WWC1: variants seen among roughly 807,000 people sequenced by gnomAD.
WWC1 encodes the protein protein KIBRA.
Under a neutral mutation model 138.4 loss-of-function variants are expected in WWC1, and 55 were observed. The observed-to-expected ratio is 0.40, with a 90% CI of 0.32 to 0.50. WWC1 has a LOEUF of 0.50. WWC1 is among the 20% of genes least tolerant of loss of function. The pLI, the probability that WWC1 is intolerant of heterozygous loss-of-function variation, is 0.72. For missense variants in WWC1, 1,226 were observed against 1,420.4 expected (o/e 0.86, Z 2.20); for synonymous variants, 524 against 564.9 (o/e 0.93, Z 1.03).
chr5:168,448,738 C>T (rs1436884538), intron 17 of WWC1, among the ~76,000 whole-genome samples: 1 of 151,446 alleles, frequency 6.6e-6, no homozygotes, highest in Non-Finnish European at 1.5e-5. Flanking sequence ...CATGCCTCAT[C>T]CTCCTGGGTA....
At chr5:168,403,024 TTC>T (rs1290010584) in intron 5 of WWC1, among the ~76,000 whole-genome samples, 1 of 118,548 alleles carries the variant, frequency 8.4e-6, no homozygotes, top group Admixed American at 8.2e-5. Flanking sequence ...CTTTCTTTCT[TTC>T]TTTCTTTCTT....
chr5:168,305,791 C>T (rs932915447), intron 1 of WWC1, among the ~76,000 whole-genome samples: 3 of 152,106 alleles, frequency 2.0e-5, no homozygotes, highest in African/African-American at 7.2e-5. Flanking sequence ...ACTAAAAATA[C>T]CCATGCCTGG....
intron 21 of WWC1, among the ~76,000 whole-genome samples, chr5:168,465,818 A>T (rs1193565997): frequency 6.6e-6 from 1 of 152,058 alleles, no homozygotes; most frequent in African/African-American, 2.4e-5. Context: ...TCGGCCTCCC[A>T]AAGTGTTGCG....
At chr5:168,419,645 G>A (rs1780928534) in intron 9 of WWC1, among the ~76,000 whole-genome samples, 1 of 152,220 alleles carries the variant, frequency 6.6e-6, no homozygotes, top group Non-Finnish European at 1.5e-5. Context: ...TCTGATGCAG[G>A]TAGTCTGTGG....
chr5:168,469,355 A>AT lies in WWC1; in HGVS notation c.*346dup, dbSNP rs1460033930. The stretch of plus-strand genomic sequence containing the variant: ...TGCTGCTCTTCTTAAAATCGTTTAG[A>AT]TTTTTTTTGGTTTGTACAGCTCCAC... On this transcript the variant is annotated 3_prime_UTR_variant, in exon 23 of 23. Coordinates refer to ENST00000265293, the MANE Select transcript of WWC1 (RefSeq NM_015238.3). The AT allele has an allele frequency of 1.7e-4, 47 of 279,650 alleles. No homozygotes were observed. The highest frequency in any genetic ancestry group is 1.1e-3 in the South Asian group (20 of 17,560). 17.3% of individuals were successfully genotyped at this position (279,650 alleles called of 1,614,324 possible). A position where few individuals can be genotyped will look rare whatever the true frequency, so the allele number is the denominator to read the frequency against.
chr5:168,420,324 G>A (rs1203307785), intron 9 of WWC1, among the ~76,000 whole-genome samples: 3 of 152,012 alleles, frequency 2.0e-5, no homozygotes, highest in Admixed American at 6.6e-5. Flanking sequence ...TCCTCCCTCC[G>A]TTTCACATGG....
intron 1 of WWC1, among the ~76,000 whole-genome samples, chr5:168,359,130 A>G (rs1313631337): frequency 6.6e-6 from 1 of 151,602 alleles, no homozygotes. Flanking sequence ...ATCTGGGTTC[A>G]CTGCAACCTC....
At chr5:168,328,464 A>G (rs1377075968) in intron 1 of WWC1, among the ~76,000 whole-genome samples, 1 of 152,100 alleles carries the variant, frequency 6.6e-6, no homozygotes, top group African/African-American at 2.4e-5. Flanking sequence ...ATTGGATAGG[A>G]ATGCCATGCA....
chr5:168,432,187 A>T (rs1782004783), intron 15 of WWC1, among the ~76,000 whole-genome samples: 1 of 152,152 alleles, frequency 6.6e-6, no homozygotes, highest in African/African-American at 2.4e-5. Flanking sequence ...CTTATCCCTA[A>T]AATGCAAATG....
chr5:168,359,062 G>A (rs1582029072), intron 1 of WWC1, among the ~76,000 whole-genome samples: 1 of 116,860 alleles, frequency 8.6e-6, no homozygotes, highest in Non-Finnish European at 2.0e-5. Flanking sequence ...GTGTGTGTGT[G>A]TGTGTGTGTT....
At chr5:168,459,625 G>A (rs567024381) in intron 19 of WWC1, among the ~76,000 whole-genome samples, 74 of 152,176 alleles carry the variant, frequency 4.9e-4, no homozygotes, top group Non-Finnish European at 8.2e-4. Context: ...ACTATTCAGC[G>A]TCTGGTTCTG....
chr5:168,469,652 C>T lies in WWC1; in HGVS notation c.*635C>T, dbSNP rs992619437. The T allele has an allele frequency of 6.6e-5, 10 of 152,350 alleles. No homozygotes were observed. The highest frequency in any genetic ancestry group is 1.9e-4 in the African/African-American group (8 of 41,434). 9.4% of individuals were successfully genotyped at this position (152,350 alleles called of 1,614,324 possible). On this transcript the variant is annotated 3_prime_UTR_variant, in exon 23 of 23. Coordinates refer to ENST00000265293, the MANE Select transcript of WWC1 (RefSeq NM_015238.3). ...AGCCTAGTCTATGTGGGTGACAGGC[C>T]ACGCTGGTCTCAGATGCCCAGTGAA...
intron 1 of WWC1, among the ~76,000 whole-genome samples, chr5:168,310,991 A>G (rs978473872): frequency 6.6e-6 from 1 of 152,226 alleles, no homozygotes; most frequent in Non-Finnish European, 1.5e-5. Flanking sequence ...AGCACTTTGC[A>G]GAGTGCCCAT....
At chr5:168,362,964 G>T (rs1467598123) in intron 1 of WWC1, among the ~76,000 whole-genome samples, 1 of 152,136 alleles carries the variant, frequency 6.6e-6, no homozygotes, top group Non-Finnish European at 1.5e-5. Context: ...TTCTATAAAA[G>T]AATTTTAGGA....
chr5:168,457,077 T>G (rs1756396266), intron 19 of WWC1, among the ~76,000 whole-genome samples: 1 of 151,374 alleles, frequency 6.6e-6, no homozygotes, highest in African/African-American at 2.4e-5. Context: ...TTTCTAAGCC[T>G]GCAAAATCAC....
chr5:168,331,940 G>A (rs1391404504), intron 1 of WWC1, among the ~76,000 whole-genome samples: 1 of 152,130 alleles, frequency 6.6e-6, no homozygotes, highest in Non-Finnish European at 1.5e-5. Context: ...GAGGCCAGAA[G>A]TTTGAGACCA....
At chr5:168,431,549 GGAA>G (rs769338395) in intron 15 of WWC1, 105 bp downstream of exon 15, 33 of 1,313,546 alleles carry the variant, frequency 2.5e-5, no homozygotes, top group Middle Eastern at 4.6e-4. Flanking sequence ...CTGAGCTTCA[GGAA>G]GAAGGTTCGA....
intron 1 of WWC1, among the ~76,000 whole-genome samples, chr5:168,333,381 G>T (rs889200831): frequency 6.6e-6 from 1 of 152,146 alleles, no homozygotes; most frequent in Non-Finnish European, 1.5e-5. Context: ...TTGCACCCTT[G>T]AGATTCATGG....
intron 7 of WWC1, among the ~76,000 whole-genome samples, chr5:168,409,535 T>G (rs1437283529): frequency 6.6e-6 from 1 of 152,216 alleles, no homozygotes; most frequent in Admixed American, 6.5e-5. Flanking sequence ...CTCTGAGTTT[T>G]CTATGGATCC....
Sources: allele counts gnomAD v4.1 joint callset (sites outside exome capture counted in the v4.1 genomes callset), GRCh38; gene constraint gnomAD v4.1.1; transcripts MANE v1.5; gene names NCBI Gene and HGNC (gene_info 2026-07-23, HGNC 2026-07-21).